Variants in CLEC4D observed in about 807,000 individuals in gnomAD.
CLEC4D encodes C-type lectin domain family 4 member D.
A neutral mutation model predicts 21.1 loss-of-function variants in CLEC4D; 21 were observed. That is an observed-to-expected ratio of 1.00 (90% CI 0.71 to 1.43). The LOEUF (loss-of-function observed/expected upper bound fraction) is 1.43, where lower values mean the gene tolerates loss of function less well. Among genes scored for constraint, CLEC4D ranks in the 40% most tolerant of loss-of-function variants. The probability of loss-of-function intolerance (pLI) is 0.00; values close to 1 mark genes in which losing one functional copy is unlikely to be tolerated. For synonymous variants in CLEC4D, 85 were observed against 83.1 expected, an observed-to-expected ratio of 1.02 and a Z score of -0.12; for missense variants, 289 against 260.7, an observed-to-expected ratio of 1.11 and a Z score of -0.75.
Position 8,521,466 on chromosome 12 carries a change from T to C in CLEC4D, c.*195T>C, listed in dbSNP as rs7300097. On this transcript the variant is annotated 3_prime_UTR_variant, in exon 6 of 6. Coordinates refer to ENST00000299665, the MANE Select transcript of CLEC4D (RefSeq NM_080387.5). ...TGTGTGTGTGTGTGTGTGTAGATAA[T>C]GTGGTTTTTGTATGGTGTTTGATGG... The C allele has an allele frequency of 0.039, 45,989 of 1,189,338 alleles. 1,745 individuals are homozygous for C. The highest frequency in any genetic ancestry group is 0.18 in the African/African-American group (11,900 of 65,118). The allele number at this position is 1,189,338 out of a possible 1,614,324, so 73.7% of individuals were successfully genotyped here. A position where few individuals can be genotyped will look rare whatever the true frequency, so the allele number is the denominator to read the frequency against.
At chr12:8,524,443 C>A (rs1264343490), downstream of CLEC4D, among the ~76,000 whole-genome samples, 1 of 151,972 alleles carries the variant, frequency 6.6e-6, no homozygotes, top group Non-Finnish European at 1.5e-5. Flanking sequence ...GTGTATGCAT[C>A]CAGGAATTTA....
At chr12:8,520,511 T>C (rs1940445079) in intron 5 of CLEC4D, among the ~76,000 whole-genome samples, 170 bp downstream of exon 5, 1 of 152,226 alleles carries the variant, frequency 6.6e-6, no homozygotes, top group Non-Finnish European at 1.5e-5. Flanking sequence ...TCCTATAATT[T>C]GCATGCAATT....
chr12:8,522,686 G>A (rs753628663), downstream of CLEC4D, among the ~76,000 whole-genome samples: 46 of 152,130 alleles, frequency 3.0e-4, no homozygotes, highest in Non-Finnish European at 5.7e-4. Context: ...AGTGGGCTTC[G>A]TATAGTTAAT....
At position 8,518,525 on chromosome 12, in the gene CLEC4D, C is replaced by T. The variant is rs1940414143; in HGVS notation, c.232+251C>T. Among the ~76,000 whole-genome samples the T allele has an allele frequency of 2.0e-5, 3 of 152,192 alleles. No individual in the cohort carries two copies. The South Asian group carries it at 6.2e-4, about 31-fold the overall frequency. ...TCCAAAACATAACATTAATCAGATT[C>T]AATTTTCCCTTGATTCAGACATATG... On this transcript the variant is annotated intron_variant, in intron 3 of 5. Transcript: ENST00000299665.
Position 8,521,321 on chromosome 12 carries a change from A to G in CLEC4D, c.*50A>G. ...TGGAAAGAGAAAAGAAAAACCAATT[A>G]GAATAAGGCAGAATGTACGTGCGTC... On this transcript the variant is annotated 3_prime_UTR_variant, in exon 6 of 6. Coordinates refer to ENST00000299665, the MANE Select transcript of CLEC4D (RefSeq NM_080387.5). The G allele has an allele frequency of 1.9e-6, 3 of 1,569,784 alleles. No individual in the cohort carries two copies. Among genetic ancestry groups the G allele is most frequent in the Non-Finnish European group, 2.6e-6 (3 of 1,162,314 alleles).
chr12:8,518,869 G>T, intron 3 of CLEC4D, 140 bp from the exon 4 acceptor site: 1 of 1,381,394 alleles, frequency 7.2e-7, no homozygotes, highest in Non-Finnish European at 9.5e-7. Context: ...GGATCTTTTG[G>T]TAGGAGAACA....
At chr12:8,525,931 C>T (rs1208941454), downstream of CLEC4D, among the ~76,000 whole-genome samples, 1 of 152,138 alleles carries the variant, frequency 6.6e-6, no homozygotes, top group Non-Finnish European at 1.5e-5. Flanking sequence ...GATTTTATTT[C>T]TCCTTTGCTT....
chr12:8,515,043 T>C (rs1180004017), intron 1 of CLEC4D, among the ~76,000 whole-genome samples, 193 bp from the exon 2 acceptor site: 1 of 152,110 alleles, frequency 6.6e-6, no homozygotes. Context: ...ACCAAGAAAT[T>C]TTACATTTTT....
At chr12:8,522,876 A>G (rs1366846448), downstream of CLEC4D, among the ~76,000 whole-genome samples, 1 of 152,132 alleles carries the variant, frequency 6.6e-6, no homozygotes, top group East Asian at 1.9e-4. Context: ...TTTTTGTATA[A>G]GGTGTAAGGA....
chr12:8,522,848 T>C (rs1940476594), downstream of CLEC4D, among the ~76,000 whole-genome samples: 1 of 152,206 alleles, frequency 6.6e-6, no homozygotes, highest in Non-Finnish European at 1.5e-5. Flanking sequence ...TTTAAGTCTT[T>C]AATCCATCTT....
chr12:8,523,644 CAG>C (rs1163447802), downstream of CLEC4D, among the ~76,000 whole-genome samples: 1 of 152,150 alleles, frequency 6.6e-6, no homozygotes, highest in East Asian at 1.9e-4. Flanking sequence ...TGTCTGCAAA[CAG>C]AGACAACTTG....
chr12:8,518,422 T>A, intron 3 of CLEC4D, 148 bp downstream of exon 3: 1 of 552,952 alleles, frequency 1.8e-6, no homozygotes, highest in Non-Finnish European at 3.3e-6. Context: ...TACCTTAAGA[T>A]AGAATTATTT....
In CLEC4D at chr12:8,521,224, T is replaced by G; in HGVS notation, c.601T>G (p.Phe201Val). The G allele has an allele frequency of 6.2e-7, 1 of 1,613,426 alleles. No individual in the cohort carries two copies. The highest frequency in any genetic ancestry group is 8.5e-7 in the Non-Finnish European group (1 of 1,179,584). ...GGCCTGGAATGATGTTCCTTGTAAC[T>G]TTGAAGCAAGTAGGATTTGTAAAAT... Reference protein sequence around the residue: ...KWAWNDVPCNFEASRICKIPG... With the variant: ...KWAWNDVPCNVEASRICKIPG... The change falls in exon 6 of 6, where the codon TTT becomes GTT. Residue 201 changes from phenylalanine to valine, a missense_variant. By Grantham distance (50) the Phe-to-Val change is conservative. Coordinates refer to ENST00000299665, the MANE Select transcript of CLEC4D (RefSeq NM_080387.5).
In CLEC4D at chr12:8,515,242, G is replaced by A. The variant is rs868423919; in HGVS notation, c.35G>A (p.Gly12Glu). 2.1e-6 allele frequency: 3 copies of A among 1,398,004 alleles called. No individual in the cohort carries two copies. Among genetic ancestry groups the A allele is most frequent in the Non-Finnish European group, 3.1e-6 (3 of 983,348 alleles). The allele number at this position is 1,398,004 out of a possible 1,614,324, so 86.6% of individuals were successfully genotyped here. Residue 12 changes from glycine to glutamate, a missense_variant, in exon 2 of 6, where the codon GGA becomes GAA. Physicochemically the swap from Gly to Glu is moderately conservative, Grantham distance 98. Transcript: ENST00000299665. ...GLEKPQSKLE[G>E]GMHPQLIPSV... ...ATTTTTCTTTTGGTCCTAGTGGAAG[G>A]AGGCATGCATCCCCAGCTGATACCT... is the stretch of plus-strand genomic sequence containing the variant.
intron 2 of CLEC4D, among the ~76,000 whole-genome samples, chr12:8,517,649 C>G (rs192892668): frequency 6.6e-6 from 1 of 152,190 alleles, no homozygotes; most frequent in East Asian, 1.9e-4. Context: ...AAACTTCTCC[C>G]GTAAAGAACA....
In CLEC4D at chr12:8,515,883, T is replaced by TA. The variant is rs775154845; in HGVS notation, c.121+557dup. ...ATTCTTTCTGATATCAAACATAAAA[T>TA]AATTATAATTAAAGTAATATGATAT... is the stretch of plus-strand genomic sequence containing the variant. On this transcript the variant is annotated intron_variant, in intron 2 of 5. Transcript: ENST00000299665. Among the ~76,000 whole-genome samples the TA allele has an allele frequency of 3.3e-3, 507 of 152,188 alleles. 2 individuals carry two copies. Among genetic ancestry groups the TA allele is most frequent in the African/African-American group, 0.011 (467 of 41,548 alleles).
intron 2 of CLEC4D, 104 bp downstream of exon 2, chr12:8,515,432 CCTAT>C: frequency 1.4e-6 from 1 of 692,184 alleles, no homozygotes; most frequent in Non-Finnish European, 2.6e-6. Context: ...CCTAGCATAA[CCTAT>C]CTATAATATC....
At chr12:8,530,012 TAGA>T in the CLEC4D span, among the ~76,000 whole-genome samples, 1 of 152,356 alleles carries the variant, frequency 6.6e-6, no homozygotes, top group East Asian at 1.9e-4. Context: ...TACAATCCTC[TAGA>T]AGAATTTGTT....
At position 8,521,380 on chromosome 12, in the gene CLEC4D, C is replaced by T. The variant is rs984069166; in HGVS notation, c.*109C>T. The T allele has an allele frequency of 2.0e-6, 3 of 1,469,870 alleles. No homozygotes were observed. Among genetic ancestry groups the T allele is most frequent in the Non-Finnish European group, 2.7e-6 (3 of 1,114,884 alleles). The allele number at this position is 1,469,870 out of a possible 1,614,324, so 91.1% of individuals were successfully genotyped here. A position where few individuals can be genotyped will look rare whatever the true frequency, so the allele number is the denominator to read the frequency against. ...ACAGAAAACATGCTGGTTCATACAG[C>T]GTTTTTAGTCATAATGGTCTTTTTT... is the stretch of plus-strand genomic sequence containing the variant. On this transcript the variant is annotated 3_prime_UTR_variant, in exon 6 of 6. Transcript: ENST00000299665.
Sources: allele counts gnomAD v4.1 joint callset (sites outside exome capture counted in the v4.1 genomes callset), GRCh38; gene constraint gnomAD v4.1.1; transcripts MANE v1.5; gene names NCBI Gene and HGNC (gene_info 2026-07-23, HGNC 2026-07-21).